The following HFM1 variants were observed in gnomAD, a reference collection of about 807,000 sequenced individuals.
HFM1 encodes helicase for meiosis 1.
HFM1 carries 169 observed loss-of-function variants against 192.1 expected under a neutral mutation model. That is an observed-to-expected ratio of 0.88 (90% CI 0.78 to 1.00). The LOEUF is 1.00. HFM1 is among the 50% of genes least tolerant of loss of function. HFM1 has a pLI of 0.00. For missense variants in HFM1, 1,661 were observed against 1,668.0 expected (o/e 1.00, Z 0.07); for synonymous variants, 525 against 537.8 (o/e 0.98, Z 0.33).
Position 91,375,730 on chromosome 1 carries a change from T to C in HFM1, c.1396-3A>G, listed in dbSNP as rs780065573. The stretch of plus-strand genomic sequence containing the variant: ...CCATCTGAAAGCCATTCTGCAATCT[T>C]TGAAACACAAAAATATGTGCATTAA... On this transcript the variant is annotated splice_region_variant and splice_polypyrimidine_tract_variant and intron_variant, in intron 11 of 38. Coordinates refer to ENST00000370425, the MANE Select transcript of HFM1 (RefSeq NM_001017975.6). 3 of 1,611,712 alleles carry C rather than the reference T, an allele frequency of 1.9e-6. No individual in the cohort carries two copies. Among genetic ancestry groups the C allele is most frequent in the African/African-American group, 2.7e-5 (2 of 74,776 alleles).
intron 19 of HFM1, among the ~76,000 whole-genome samples, chr1:91,343,835 A>G (rs1390550645): frequency 6.6e-6 from 1 of 152,234 alleles, no homozygotes; most frequent in Non-Finnish European, 1.5e-5. Flanking sequence ...GTAGACACCG[A>G]TATTTTCATA....
chr1:91,327,049 A>T (rs953379936), intron 20 of HFM1, among the ~76,000 whole-genome samples: 4 of 152,252 alleles, frequency 2.6e-5, no homozygotes, highest in Non-Finnish European at 5.9e-5. Context: ...AAAGCAAGAA[A>T]TTAAAGCATG....
At chr1:91,305,331 CTTTAA>C (rs1026151047) in intron 30 of HFM1, among the ~76,000 whole-genome samples, 17 of 152,264 alleles carry the variant, frequency 1.1e-4, no homozygotes, top group African/African-American at 3.6e-4. Flanking sequence ...TTTAGAACTT[CTTTAA>C]TTTATTTCAA....
intron 6 of HFM1, among the ~76,000 whole-genome samples, chr1:91,383,505 A>G (rs1315253060): frequency 2.6e-5 from 4 of 152,186 alleles, no homozygotes; most frequent in Admixed American, 6.5e-5. Flanking sequence ...TAATCAAATC[A>G]GCCATCTGCA....
At chr1:91,291,009 C>A (rs935593111) in intron 30 of HFM1, among the ~76,000 whole-genome samples, 2 of 152,006 alleles carry the variant, frequency 1.3e-5, no homozygotes, top group Non-Finnish European at 2.9e-5. Flanking sequence ...CCAACGAGAA[C>A]GAAGACACAA....
chr1:91,305,782 T>C (rs1649513038), intron 30 of HFM1, among the ~76,000 whole-genome samples: 1 of 151,990 alleles, frequency 6.6e-6, no homozygotes. Context: ...TGCCCAGGCT[T>C]GTCTTGAACT....
chr1:91,262,480 C>T lies in HFM1; in HGVS notation c.4086+1G>A. The T allele has an allele frequency of 1.9e-6, 3 of 1,584,902 alleles. No individual in the cohort carries two copies. The highest frequency in any genetic ancestry group is 2.6e-6 in the Non-Finnish European group (3 of 1,156,804). ...AAAAACAAAGAAGTGCTTCTTCTTA[C>T]AATAACTGCATTTCCGGCTTGTTGA... On this transcript the variant is annotated splice_donor_variant, in intron 37 of 38. Transcript: ENST00000370425. LOFTEE classifies it high-confidence loss of function.
At chr1:91,296,209 G>A (rs558792262) in intron 30 of HFM1, among the ~76,000 whole-genome samples, 13 of 152,256 alleles carry the variant, frequency 8.5e-5, no homozygotes, top group African/African-American at 2.6e-4. Flanking sequence ...GTGAGCCACC[G>A]CGCCCAGACT....
At chr1:91,314,851 A>G (rs876761) in intron 28 of HFM1, among the ~76,000 whole-genome samples, 14,637 of 152,242 alleles carry the variant, frequency 0.096, 740 homozygotes, top group East Asian at 0.16. Context: ...CATATTCTCT[A>G]TAAGTGGGTC....
chr1:91,263,888 A>G (rs67274437), intron 36 of HFM1, among the ~76,000 whole-genome samples: 44,580 of 151,862 alleles, frequency 0.29, 6,707 homozygotes, highest in Non-Finnish European at 0.32. Flanking sequence ...CTCTTCCAAA[A>G]GTATTTGTTG....
At chr1:91,270,570 A>G (rs1666190488) in intron 34 of HFM1, among the ~76,000 whole-genome samples, 1 of 146,902 alleles carries the variant, frequency 6.8e-6, no homozygotes, top group Non-Finnish European at 1.5e-5. Flanking sequence ...TGAAGTGAGA[A>G]GAATAAAAAA....
intron 13 of HFM1, among the ~76,000 whole-genome samples, chr1:91,359,428 G>A (rs1167027591): frequency 1.3e-5 from 2 of 152,038 alleles, no homozygotes. Flanking sequence ...TGATGGAGGT[G>A]AGAAACACAA....
At chr1:91,284,517 T>G (rs540926591) in intron 30 of HFM1, among the ~76,000 whole-genome samples, 63 of 152,140 alleles carry the variant, frequency 4.1e-4, no homozygotes, top group Non-Finnish European at 6.6e-4. Context: ...CCTCCCAAAT[T>G]GTTGAGATTA....
At chr1:91,262,936 C>G (rs1434851928) in intron 36 of HFM1, among the ~76,000 whole-genome samples, 2 of 152,134 alleles carry the variant, frequency 1.3e-5, no homozygotes, top group African/African-American at 4.8e-5. Context: ...AATCTCCTTT[C>G]TCTATTCTGG....
At chr1:91,323,389 A>G (rs1466759459) in intron 21 of HFM1, among the ~76,000 whole-genome samples, 190 bp from the exon 22 acceptor site, 1 of 152,216 alleles carries the variant, frequency 6.6e-6, no homozygotes, top group African/African-American at 2.4e-5. Context: ...ACAAATGCTT[A>G]CAAACTCCTA....
intron 19 of HFM1, among the ~76,000 whole-genome samples, chr1:91,345,389 T>C (rs4658214): frequency 1 from 152,213 of 152,326 alleles, 76,050 homozygotes; most frequent in Non-Finnish European, 1. Context: ...CAGAAAGTGA[T>C]AAGAGATGTA....
At position 91,353,254 on chromosome 1, in the gene HFM1, A is replaced by C. The variant is rs755235351; in HGVS notation, c.1729+2T>G. On this transcript the variant is annotated splice_donor_variant, in intron 14 of 38. Transcript: ENST00000370425. LOFTEE classifies it high-confidence loss of function. ...CTATTCAAAAATTATCTCTAAACCT[A>C]CCTCTCAGTTTTGAATCTCTTACGG... 6.3e-7 allele frequency: 1 copy of C among 1,585,206 alleles called. No individual in the cohort carries two copies. The highest frequency in any genetic ancestry group is 1.7e-5 in the Admixed American group (1 of 59,088).
At chr1:91,355,291 G>A (rs1158752785) in intron 13 of HFM1, among the ~76,000 whole-genome samples, 2 of 152,128 alleles carry the variant, frequency 1.3e-5, no homozygotes, top group South Asian at 2.1e-4. Flanking sequence ...TACAACAAGA[G>A]GAAGAAAGGA....
chr1:91,267,823 C>A lies in HFM1; in HGVS notation c.3805G>T (p.Glu1269Ter). 6.3e-7 allele frequency: 1 copy of A among 1,584,098 alleles called. No homozygotes were observed. Among genetic ancestry groups the A allele is most frequent in the Non-Finnish European group, 8.6e-7 (1 of 1,168,802 alleles). ...TCATCATCAAAATCATCCCAAACTT[C>A]ATTTCCCAATTCAAAGTTCACATTC... The part of the protein sequence containing the change: ...VLNVNFELGN[E>*]VWDDFDDENL... The change falls in exon 35 of 39, where the codon GAA (glutamate) becomes TAA (stop). Residue 1269 changes from glutamate to a stop codon, truncating the protein, a stop_gained. Transcript: ENST00000370425. LOFTEE classifies it high-confidence loss of function.
Sources: allele counts gnomAD v4.1 joint callset (sites outside exome capture counted in the v4.1 genomes callset), GRCh38; gene constraint gnomAD v4.1.1; transcripts MANE v1.5; gene names NCBI Gene and HGNC (gene_info 2026-07-23, HGNC 2026-07-21).